The following LRRC39 variants were observed in gnomAD, a reference collection of about 807,000 sequenced individuals.
LRRC39 encodes the protein leucine rich repeat containing 39, also known as leucine-rich repeat-containing protein 39.
In LRRC39, 35 loss-of-function variants were observed where a neutral mutation model predicts 39.7. That is an observed-to-expected ratio of 0.88 (90% CI 0.67 to 1.17). The LOEUF (loss-of-function observed/expected upper bound fraction) is 1.17, where lower values mean the gene tolerates loss of function less well. LRRC39 is among the 50% of genes most tolerant of loss of function. LRRC39 has a pLI of 0.00. For missense variants in LRRC39, 357 were observed against 385.8 expected (o/e 0.93, Z 0.62); for synonymous variants, 113 against 134.1 (o/e 0.84, Z 1.09).
chr1:100,156,336 TTTTTC>T lies in LRRC39; in HGVS notation c.514-24_514-20del. Reference sequence around the variant, plus strand: ...TGCTGAGCTGAAGAAGAAAGCAAGGTTTTTCAAAATAAATGTCCACAATGTAAACT... The same window carrying T: ...TGCTGAGCTGAAGAAGAAAGCAAGGTAAAATAAATGTCCACAATGTAAACT... On this transcript the variant is annotated intron_variant, in intron 6 of 9. Transcript: ENST00000370137. The T allele has an allele frequency of 6.3e-7, 1 of 1,581,298 alleles. No individual in the cohort carries two copies. Among genetic ancestry groups the T allele is most frequent in the Admixed American group, 1.7e-5 (1 of 57,284 alleles).
chr1:100,170,851 A>T (rs975780051), intron 2 of LRRC39, among the ~76,000 whole-genome samples: 1 of 152,150 alleles, frequency 6.6e-6, no homozygotes, highest in African/African-American at 2.4e-5. Context: ...AGCTGGAAGT[A>T]TAGGCATGTG....
rs748862966 is a variant in LRRC39, at chr1:100,155,042, A to G, written c.812+9T>C. The G allele has an allele frequency of 1.3e-6, 2 of 1,555,636 alleles. No individual in the cohort carries two copies. The highest frequency in any genetic ancestry group is 2.1e-5 in the Admixed American group (1 of 48,742). On this transcript the variant is annotated intron_variant, in intron 8 of 9. Transcript: ENST00000370137. Reference sequence around the variant, plus strand: ...AAGGTTTTTCAGTTTTGTGCCTACAACTTTTTACCTCAGATTTGCCATTTC... The same window carrying G: ...AAGGTTTTTCAGTTTTGTGCCTACAGCTTTTTACCTCAGATTTGCCATTTC...
intron 2 of LRRC39, among the ~76,000 whole-genome samples, chr1:100,171,016 CATA>C (rs1173852299): frequency 2.0e-5 from 3 of 152,154 alleles, no homozygotes; most frequent in Non-Finnish European, 2.9e-5. Context: ...TCAATCATAT[CATA>C]ATAAGAGATT....
chr1:100,168,661 G>T, intron 2 of LRRC39, 67 bp from the exon 3 acceptor site: 2 of 594,512 alleles, frequency 3.4e-6, no homozygotes, highest in South Asian at 2.2e-5. Context: ...GATCATAATA[G>T]CTAATATTTA....
chr1:100,168,001 A>G (rs1384213289), intron 3 of LRRC39, among the ~76,000 whole-genome samples: 1 of 152,102 alleles, frequency 6.6e-6, no homozygotes, highest in Admixed American at 6.5e-5. Flanking sequence ...AGATCAAGGA[A>G]TCAAGTGATC....
intron 3 of LRRC39, among the ~76,000 whole-genome samples, chr1:100,161,070 ACT>A (rs1276124096): frequency 5.3e-5 from 8 of 152,162 alleles, no homozygotes; most frequent in Admixed American, 2.0e-4. Flanking sequence ...AAGTATCATA[ACT>A]CTATAGATTT....
At chr1:100,158,192 G>A (rs1014991497) in intron 6 of LRRC39, 39 bp downstream of exon 6, 2 of 1,601,028 alleles carry the variant, frequency 1.2e-6, no homozygotes, top group Non-Finnish European at 1.7e-6. Flanking sequence ...AACTACTGCA[G>A]ATGGAAAATA....
intron 2 of LRRC39, among the ~76,000 whole-genome samples, chr1:100,172,531 A>G (rs187437647): frequency 6.6e-5 from 10 of 151,738 alleles, no homozygotes; most frequent in African/African-American, 2.4e-4. Context: ...TACTAAAAAA[A>G]TACAAAAAAG....
At chr1:100,158,871 C>G (rs1263733084) in intron 5 of LRRC39, among the ~76,000 whole-genome samples, 1 of 148,166 alleles carries the variant, frequency 6.7e-6, no homozygotes, top group Non-Finnish European at 1.5e-5. Context: ...AAAAAAAAAT[C>G]GAAAACTATT....
chr1:100,174,388 C>T (rs1659830519), intron 1 of LRRC39, among the ~76,000 whole-genome samples: 1 of 152,018 alleles, frequency 6.6e-6, no homozygotes, highest in Non-Finnish European at 1.5e-5. Flanking sequence ...ACCTCCACCT[C>T]CTGGGTTCAA....
At chr1:100,154,832 C>T (rs1658339016) in intron 8 of LRRC39, among the ~76,000 whole-genome samples, 1 of 152,140 alleles carries the variant, frequency 6.6e-6, no homozygotes, top group African/African-American at 2.4e-5. Flanking sequence ...GCTGATAAAT[C>T]CCAAACTGCT....
At chr1:100,173,285 A>G (rs1393401936) in intron 2 of LRRC39, 46 bp downstream of exon 2, 1 of 151,946 alleles carries the variant, frequency 6.6e-6, no homozygotes, top group Non-Finnish European at 1.5e-5. Flanking sequence ...AAAATACATT[A>G]CAGCCATATT....
intron 1 of LRRC39, among the ~76,000 whole-genome samples, chr1:100,173,977 A>G (rs1213573452): frequency 6.6e-6 from 1 of 152,224 alleles, no homozygotes; most frequent in Non-Finnish European, 1.5e-5. Flanking sequence ...TCATTGATAG[A>G]AAGACTCAAT....
chr1:100,173,176 G>A (rs1339216160), intron 2 of LRRC39, among the ~76,000 whole-genome samples, 155 bp downstream of exon 2: 1 of 151,652 alleles, frequency 6.6e-6, no homozygotes, highest in Non-Finnish European at 1.5e-5. Flanking sequence ...AGAGGCGGAG[G>A]TTGCAGTGAG....
intron 8 of LRRC39, among the ~76,000 whole-genome samples, chr1:100,152,793 C>T (rs1439177159): frequency 6.6e-6 from 1 of 152,150 alleles, no homozygotes; most frequent in Non-Finnish European, 1.5e-5. Flanking sequence ...GTGGCATGAT[C>T]TGGACTCATG....
At chr1:100,150,212 T>C (rs142263749) in intron 9 of LRRC39, 6 of 152,246 alleles carry the variant, frequency 3.9e-5, no homozygotes, top group African/African-American at 1.4e-4. Flanking sequence ...TAACTAGTAA[T>C]AGTAGTGGTA....
intron 5 of LRRC39, among the ~76,000 whole-genome samples, chr1:100,158,929 T>C (rs561791084): frequency 6.6e-6 from 1 of 152,334 alleles, no homozygotes; most frequent in East Asian, 1.9e-4. Flanking sequence ...TTTGGATTTT[T>C]TTTTCCCATT....
intron 8 of LRRC39, among the ~76,000 whole-genome samples, chr1:100,154,841 C>T (rs1459626785): frequency 6.6e-6 from 1 of 152,160 alleles, no homozygotes; most frequent in Admixed American, 6.5e-5. Context: ...TCCCAAACTG[C>T]TTTAGTTTTA....
chr1:100,156,026 G>T, intron 7 of LRRC39, 146 bp downstream of exon 7: 1 of 728,506 alleles, frequency 1.4e-6, no homozygotes, highest in Non-Finnish European at 2.0e-6. Context: ...TGGAACAAAT[G>T]AAAATATTCT....
Sources: gnomAD v4.1 joint callset for allele counts (sites outside exome capture counted in the v4.1 genomes callset) on GRCh38, gnomAD v4.1.1 for gene constraint, MANE v1.5 for transcripts, NCBI Gene and HGNC (gene_info 2026-07-23, HGNC 2026-07-21) for gene names.